The following DDIT3 variants were observed in gnomAD, a reference collection of about 807,000 sequenced individuals.
DDIT3 encodes DNA damage inducible transcript 3, also known as DNA damage-inducible transcript 3 protein.
Under a neutral mutation model 17.6 loss-of-function variants are expected in DDIT3, and 14 were observed. The ratio of observed to expected loss-of-function variants is 0.80; its 90% CI spans 0.53 to 1.25. The LOEUF (loss-of-function observed/expected upper bound fraction) is 1.25, where lower values mean the gene tolerates loss of function less well. Ranked by LOEUF, DDIT3 falls within the 50% of genes most tolerant of loss-of-function variation. DDIT3 has a pLI of 0.00. For synonymous variants in DDIT3, 93 were observed against 76.5 expected, an observed-to-expected ratio of 1.22 and a Z score of -1.13; for missense variants, 216 against 202.7, an observed-to-expected ratio of 1.07 and a Z score of -0.40.
At position 57,516,804 on chromosome 12, in the gene DDIT3, A is replaced by C. The variant is rs745766747; in HGVS notation, c.*5T>G. On this transcript the variant is annotated 3_prime_UTR_variant, in exon 4 of 4. Transcript: ENST00000346473. ...CCCAAGTGGGGGACTGATGCTCCCAATTGTTCATGCTTGGTGCAGATTCAC... is the reference window on the plus strand; with the variant it reads ...CCCAAGTGGGGGACTGATGCTCCCACTTGTTCATGCTTGGTGCAGATTCAC... 1 of 1,608,132 alleles carries C rather than the reference A, an allele frequency of 6.2e-7. No homozygotes were observed. The highest frequency in any genetic ancestry group is 1.3e-5 in the African/African-American group (1 of 74,950).
In DDIT3 at chr12:57,516,607, T is replaced by C. The variant is rs1272402852; in HGVS notation, c.*202A>G. ...AAGACCTTGGCTCATAGAAAGTCAC[T>C]TTAATAGATAGGGACAGTAATAAAT... On this transcript the variant is annotated 3_prime_UTR_variant, in exon 4 of 4. Coordinates refer to ENST00000346473, the MANE Select transcript of DDIT3 (RefSeq NM_004083.6). 2.6e-6 allele frequency: 4 copies of C among 1,553,732 alleles called. No homozygotes were observed. The African/African-American group carries it at 4.2e-5, about 16-fold the overall frequency.
chr12:57,520,014 G>A (rs1357020055), intron 1 of DDIT3, among the ~76,000 whole-genome samples: 4 of 152,258 alleles, frequency 2.6e-5, no homozygotes, highest in Non-Finnish European at 5.9e-5. Flanking sequence ...GGGTGGGGTA[G>A]GGAGAAGGCC....
chr12:57,519,817 GCT>G (rs1487332445), intron 1 of DDIT3, among the ~76,000 whole-genome samples: 1 of 152,206 alleles, frequency 6.6e-6, no homozygotes, highest in Non-Finnish European at 1.5e-5. Flanking sequence ...GATCCAGGCT[GCT>G]CTCTTGTGCA....
chr12:57,518,664 C>T (rs1878058221), intron 1 of DDIT3, among the ~76,000 whole-genome samples: 3 of 152,096 alleles, frequency 2.0e-5, no homozygotes, highest in Admixed American at 6.6e-5. Flanking sequence ...AATTTTAACT[C>T]ATTCCTTTTT....
intron 1 of DDIT3, among the ~76,000 whole-genome samples, chr12:57,519,864 A>G (rs1594844525): frequency 1.3e-5 from 2 of 152,114 alleles, no homozygotes; most frequent in South Asian, 4.1e-4. Context: ...AAAGGAAAAC[A>G]CACCACTCCC....
At chr12:57,517,632 A>G (rs1594841100) in intron 2 of DDIT3, 74 bp downstream of exon 2, 7 of 634,510 alleles carry the variant, frequency 1.1e-5, no homozygotes, top group Admixed American at 8.6e-5. Context: ...GCTAGAGACT[A>G]TAGGACTTTT....
rs1877926898 is a variant in DDIT3 at position 57,517,178 on chromosome 12, T to C, written c.141A>G (p.Glu47=). ...TYVSPPGNEE[E]ESKIFTTLDP... Reference sequence around the variant, plus strand: ...CAAGAGTGGTGAAGATTTTTGATTCTTCCTTCAAGGAAATGAGGAAAGGGA... The same window carrying C: ...CAAGAGTGGTGAAGATTTTTGATTCCTCCTTCAAGGAAATGAGGAAAGGGA... Residue 47 remains glutamate, a splice_region_variant and synonymous_variant, in exon 4 of 4, where the codon GAA becomes GAG. Transcript: ENST00000346473. 1.9e-6 allele frequency: 3 copies of C among 1,606,792 alleles called. No homozygotes were observed. The highest frequency in any genetic ancestry group is 2.2e-5 in the South Asian group (2 of 90,694).
chr12:57,519,314 A>G (rs562115077), intron 1 of DDIT3: 5 of 443,984 alleles, frequency 1.1e-5, no homozygotes, highest in Admixed American at 7.8e-5. Flanking sequence ...AACATTCTCC[A>G]TTCCTTTCTC....
rs1877922931 is a variant in DDIT3, at chr12:57,517,153, CAA to C, written c.164_165del (p.Leu55ArgfsTer10). The C allele has an allele frequency of 6.2e-7, 1 of 1,609,144 alleles. No homozygotes were observed. Among genetic ancestry groups the C allele is most frequent in the African/African-American group, 1.3e-5 (1 of 74,582 alleles). On this transcript the variant is annotated frameshift_variant, in exon 4 of 4. Transcript: ENST00000346473. LOFTEE classifies it high-confidence loss of function. ...GTCAGCCAAGCCAGAGAAGCAGGGT[CAA>C]GAGTGGTGAAGATTTTTGATTCTTC... ...EEEESKIFTT[L>X]DPASLAWLTE...
At chr12:57,517,229 A>G (rs1285425879) in intron 3 of DDIT3, 40 bp downstream of exon 3, 2 of 1,612,016 alleles carry the variant, frequency 1.2e-6, no homozygotes, top group East Asian at 2.2e-5. Flanking sequence ...GAGAAGGGAA[A>G]GGTAACATCC....
At chr12:57,519,306 C>T in intron 1 of DDIT3, 1 of 458,196 alleles carries the variant, frequency 2.2e-6, no homozygotes, top group South Asian at 1.6e-5. Flanking sequence ...CCATCCTGAA[C>T]ATTCTCCATT....
chr12:57,519,315 T>C, intron 1 of DDIT3: 2 of 440,700 alleles, frequency 4.5e-6, no homozygotes, highest in East Asian at 6.6e-5. Context: ...ACATTCTCCA[T>C]TCCTTTCTCT....
At chr12:57,520,197 C>A (rs940144625) in intron 1 of DDIT3, among the ~76,000 whole-genome samples, 1 of 152,230 alleles carries the variant, frequency 6.6e-6, no homozygotes. Context: ...CCCAGCAGCA[C>A]AGAGCAGGGC....
At position 57,517,133 on chromosome 12, in the gene DDIT3, C is replaced by A; in HGVS notation, c.186G>T (p.Trp62Cys). Residue 62 changes from tryptophan to cysteine, a missense_variant, in exon 4 of 4, where the codon TGG becomes TGT. Coordinates refer to ENST00000346473, the MANE Select transcript of DDIT3 (RefSeq NM_004083.6). ...CTGGTTCTGGCTCCTCCTCAGTCAG[C>A]CAAGCCAGAGAAGCAGGGTCAAGAG... Reference protein sequence around the residue: ...FTTLDPASLAWLTEEEPEPAE... With the variant: ...FTTLDPASLACLTEEEPEPAE... 1 of 1,612,362 alleles carries A rather than the reference C, an allele frequency of 6.2e-7. No individual in the cohort carries two copies.
At chr12:57,519,745 G>T (rs962623971) in intron 1 of DDIT3, among the ~76,000 whole-genome samples, 4 of 152,338 alleles carry the variant, frequency 2.6e-5, no homozygotes, top group Admixed American at 6.5e-5. Context: ...AAGAGGCAGG[G>T]ACTAATCCCG....
At chr12:57,520,209 C>T (rs1482625110) in intron 1 of DDIT3, among the ~76,000 whole-genome samples, 1 of 152,190 alleles carries the variant, frequency 6.6e-6, no homozygotes, top group African/African-American at 2.4e-5. Context: ...GAGCAGGGCC[C>T]GTGTTCCGGC....
In DDIT3 at chr12:57,516,698, G is replaced by C; in HGVS notation, c.*111C>G. 1 of 1,530,180 alleles carries C rather than the reference G, an allele frequency of 6.5e-7. No individual in the cohort carries two copies. The highest frequency in any genetic ancestry group is 1.3e-5 in the South Asian group (1 of 77,206). 94.8% of individuals were successfully genotyped at this position (1,530,180 alleles called of 1,614,324 possible). On this transcript the variant is annotated 3_prime_UTR_variant, in exon 4 of 4. Coordinates refer to ENST00000346473, the MANE Select transcript of DDIT3 (RefSeq NM_004083.6). ...TGTCTACTCCAAGCCTTCCCCCTGCGTATGTGGGATTGAGGGTCACATCAT... is the reference window on the plus strand; with the variant it reads ...TGTCTACTCCAAGCCTTCCCCCTGCCTATGTGGGATTGAGGGTCACATCAT...
At chr12:57,520,325 T>G (rs1451037245) in intron 1 of DDIT3, 93 bp downstream of exon 1, 8 of 397,858 alleles carry the variant, frequency 2.0e-5, no homozygotes, top group Non-Finnish European at 3.5e-5. Context: ...GGTCCCTAAC[T>G]TCACTGTGGA....
At chr12:57,520,006 G>C (rs1244286768) in intron 1 of DDIT3, among the ~76,000 whole-genome samples, 1 of 152,240 alleles carries the variant, frequency 6.6e-6, no homozygotes, top group African/African-American at 2.4e-5. Flanking sequence ...AGAATTGGGG[G>C]TGGGGTAGGG....
Sources: gnomAD v4.1 joint callset for allele counts (sites outside exome capture counted in the v4.1 genomes callset) on GRCh38, gnomAD v4.1.1 for gene constraint, MANE v1.5 for transcripts, NCBI Gene and HGNC (gene_info 2026-07-23, HGNC 2026-07-21) for gene names.